DNAJB9: variants seen among roughly 807,000 people sequenced by gnomAD.
DNAJB9 encodes the protein DnaJ heat shock protein family (Hsp40) member B9, also known as dnaJ homolog subfamily B member 9.
DNAJB9 carries 12 observed loss-of-function variants against 19.2 expected under a neutral mutation model. The observed-to-expected ratio is 0.62, with a 90% confidence interval of 0.40 to 1.01. The LOEUF (loss-of-function observed/expected upper bound fraction) is 1.01, where lower values mean the gene tolerates loss of function less well. DNAJB9 is among the 50% of genes least tolerant of loss of function. DNAJB9 has a pLI of 0.00. For missense variants in DNAJB9, 272 were observed against 261.1 expected, an observed-to-expected ratio of 1.04 and a Z score of -0.29; for synonymous variants, 83 against 84.0, an observed-to-expected ratio of 0.99 and a Z score of 0.07.
chr7:108,571,704 T>C lies in DNAJB9; in HGVS notation c.-10-13T>C, dbSNP rs1361052013. The C allele has an allele frequency of 6.3e-7, 1 of 1,587,218 alleles. No individual in the cohort carries two copies. Among genetic ancestry groups the C allele is most frequent in the Non-Finnish European group, 8.6e-7 (1 of 1,167,386 alleles). On this transcript the variant is annotated splice_polypyrimidine_tract_variant and intron_variant, in intron 1 of 2. Transcript: ENST00000249356. ...GCTCCATCCATAACATTTTTTTTTC[T>C]TTTCTGTTTTAGGATATTAGAAATG...
chr7:108,572,084 G>T, intron 2 of DNAJB9, 141 bp downstream of exon 2: 1 of 696,530 alleles, frequency 1.4e-6, no homozygotes, highest in South Asian at 2.1e-5. Flanking sequence ...GATTCTCTGA[G>T]ATTATTTTCT....
intron 2 of DNAJB9, 136 bp from the exon 3 acceptor site, chr7:108,572,763 G>A: frequency 3.0e-6 from 2 of 661,408 alleles, no homozygotes; most frequent in East Asian, 2.8e-5. Context: ...TATATTTGTA[G>A]TGTTTTGCTT....
At position 108,572,929 on chromosome 7, in the gene DNAJB9, G is replaced by T. The variant is rs1240323337; in HGVS notation, c.248G>T (p.Arg83Leu). 6.2e-7 allele frequency: 1 copy of T among 1,610,246 alleles called. No homozygotes were observed. Among genetic ancestry groups the T allele is most frequent in the African/African-American group, 1.3e-5 (1 of 74,898 alleles). ...GAAACACTCTCAGATGCTAATAGAC[G>T]AAAAGAGTATGATACACTTGGACAC... is the stretch of plus-strand genomic sequence containing the variant. The part of the protein sequence containing the change: ...AYETLSDANR[R>L]KEYDTLGHSA... The change falls in exon 3 of 3, where the codon CGA becomes CTA. Residue 83 changes from arginine (R) to leucine (L), a missense_variant. Physicochemically the swap from Arg to Leu is moderately radical, Grantham distance 102. Transcript: ENST00000249356.
At position 108,573,468 on chromosome 7, in the gene DNAJB9, G is replaced by C. The variant is rs1790652680; in HGVS notation, c.*115G>C. ...TGCATGATTTCACTTTAAACAATTT[G>C]ATATAGCTATTAAATATATTTAAGG... is the stretch of plus-strand genomic sequence containing the variant. On this transcript the variant is annotated 3_prime_UTR_variant, in exon 3 of 3. Coordinates refer to ENST00000249356, the MANE Select transcript of DNAJB9 (RefSeq NM_012328.3). 1 of 682,612 alleles carries C rather than the reference G, an allele frequency of 1.5e-6. No homozygotes were observed. Among genetic ancestry groups the C allele is most frequent in the Admixed American group, 3.7e-5 (1 of 27,312 alleles). The allele number at this position is 682,612 out of a possible 1,614,324, so 42.3% of individuals were successfully genotyped here. A position where few individuals can be genotyped will look rare whatever the true frequency, so the allele number is the denominator to read the frequency against.
chr7:108,569,928 A>C lies in DNAJB9; in HGVS notation c.-186A>C. 1 of 370,312 alleles carries C rather than the reference A, an allele frequency of 2.7e-6. No individual in the cohort carries two copies. The highest frequency in any genetic ancestry group is 3.9e-5 in the Admixed American group (1 of 25,690). The allele number at this position is 370,312 out of a possible 1,614,324, so 22.9% of individuals were successfully genotyped here. A position where few individuals can be genotyped will look rare whatever the true frequency, so the allele number is the denominator to read the frequency against. On this transcript the variant is annotated 5_prime_UTR_variant, in exon 1 of 3. Coordinates refer to ENST00000249356, the MANE Select transcript of DNAJB9 (RefSeq NM_012328.3). ...CCTGTGAGGAGCTGGCTGAGAGGGG[A>C]CTGGGCGCCGGCGGGGAAGGAGGAG... is the stretch of plus-strand genomic sequence containing the variant.
intron 2 of DNAJB9, 41 bp downstream of exon 2, chr7:108,571,984 T>C (rs765283645): frequency 2.3e-5 from 36 of 1,585,170 alleles, no homozygotes; most frequent in Non-Finnish European, 3.1e-5. Flanking sequence ...GGGTATTAAC[T>C]AGTAAGGAGA....
In DNAJB9 at chr7:108,569,946, A is replaced by G. The variant is rs550082947; in HGVS notation, c.-168A>G. 2.9e-6 allele frequency: 1 copy of G among 344,722 alleles called. No homozygotes were observed. Among genetic ancestry groups the G allele is most frequent in the South Asian group, 3.1e-5 (1 of 32,384 alleles). 21.4% of individuals were successfully genotyped at this position (344,722 alleles called of 1,614,324 possible). A position where few individuals can be genotyped will look rare whatever the true frequency, so the allele number is the denominator to read the frequency against. On this transcript the variant is annotated 5_prime_UTR_variant, in exon 1 of 3. Transcript: ENST00000249356. ...AGAGGGGACTGGGCGCCGGCGGGGA[A>G]GGAGGAGCGCTAGGTCGGTGTACGA...
chr7:108,572,470 G>A (rs368133955), intron 2 of DNAJB9, among the ~76,000 whole-genome samples: 18 of 152,292 alleles, frequency 1.2e-4, no homozygotes, highest in African/African-American at 4.3e-4. Context: ...TAACTGAGTA[G>A]GGAGTTAGAA....
chr7:108,571,631 G>A, intron 1 of DNAJB9, 86 bp from the exon 2 acceptor site: 3 of 1,096,882 alleles, frequency 2.7e-6, no homozygotes, highest in Non-Finnish European at 2.6e-6. Context: ...ACTGCATTAG[G>A]TTTACCTTGT....
chr7:108,571,751 A>G lies in DNAJB9; in HGVS notation c.25A>G (p.Ile9Val). 6 of 1,613,942 alleles carry G rather than the reference A, an allele frequency of 3.7e-6. No homozygotes were observed. The highest frequency in any genetic ancestry group is 2.2e-5 in the South Asian group (2 of 91,044). MATPQSIF[I>V]FAICILMITE... ...AATGGCTACTCCCCAGTCAATTTTCATCTTTGCAATCTGCATTTTAATGAT... is the reference window on the plus strand; with the variant it reads ...AATGGCTACTCCCCAGTCAATTTTCGTCTTTGCAATCTGCATTTTAATGAT... The change falls in exon 2 of 3, where the codon ATC becomes GTC. Residue 9 changes from isoleucine (I) to valine (V), a missense_variant. Coordinates refer to ENST00000249356, the MANE Select transcript of DNAJB9 (RefSeq NM_012328.3).
rs1584294299 is a variant in DNAJB9 at position 108,573,515 on chromosome 7, C to G, written c.*162C>G. On this transcript the variant is annotated 3_prime_UTR_variant, in exon 3 of 3. Coordinates refer to ENST00000249356, the MANE Select transcript of DNAJB9 (RefSeq NM_012328.3). ...AAGGGTTTTTTTTTTTTGACAAATTCAACATTCAACGAGTAGACAAAATGC... is the reference window on the plus strand; with the variant it reads ...AAGGGTTTTTTTTTTTTGACAAATTGAACATTCAACGAGTAGACAAAATGC... 4.5e-6 allele frequency: 2 copies of G among 446,076 alleles called. No homozygotes were observed. Among genetic ancestry groups the G allele is most frequent in the Admixed American group, 8.1e-5 (2 of 24,634 alleles). 27.6% of individuals were successfully genotyped at this position (446,076 alleles called of 1,614,324 possible). A position where few individuals can be genotyped will look rare whatever the true frequency, so the allele number is the denominator to read the frequency against.
rs1291280788 is a variant in DNAJB9, at chr7:108,574,212, T to A, written c.*859T>A. ...TTGTAAAACCAGCCAGTAATTTCTG[T>A]GCAACCTTACTATGTGCAATATTTT... On this transcript the variant is annotated 3_prime_UTR_variant, in exon 3 of 3. Transcript: ENST00000249356. 1 of 152,654 alleles carries A rather than the reference T, an allele frequency of 6.6e-6. No homozygotes were observed. Among genetic ancestry groups the A allele is most frequent in the African/African-American group, 2.4e-5 (1 of 41,458 alleles). 9.5% of individuals were successfully genotyped at this position (152,654 alleles called of 1,614,324 possible).
In DNAJB9 at chr7:108,573,185, C is replaced by T. The variant is rs756687064; in HGVS notation, c.504C>T (p.Asp168=). ...CTTTTGGAGGTGGATTATTTGATGA[C>T]ATGTTTGAAGATATGGAGAAAATGT... ...EFSFGGGLFD[D]MFEDMEKMFS... Residue 168 remains aspartate (D), a synonymous_variant, in exon 3 of 3, where the codon GAC becomes GAT. Transcript: ENST00000249356. 3.3e-5 allele frequency: 53 copies of T among 1,613,880 alleles called. No homozygotes were observed. Among genetic ancestry groups the T allele is most frequent in the Non-Finnish European group, 3.7e-5 (44 of 1,179,928 alleles).
chr7:108,571,749 T>G lies in DNAJB9; in HGVS notation c.23T>G (p.Phe8Cys). MATPQSIFIFAICILMIT... is the reference protein window; with the variant it reads MATPQSICIFAICILMIT... ...GAAATGGCTACTCCCCAGTCAATTT[T>G]CATCTTTGCAATCTGCATTTTAATG... The change falls in exon 2 of 3, where the codon TTC becomes TGC. Residue 8 changes from phenylalanine to cysteine, a missense_variant. Phe to Cys is a radical substitution (Grantham distance 205, BLOSUM62 -2). Transcript: ENST00000249356. 1 of 1,614,102 alleles carries G rather than the reference T, an allele frequency of 6.2e-7. No individual in the cohort carries two copies. Among genetic ancestry groups the G allele is most frequent in the Non-Finnish European group, 8.5e-7 (1 of 1,179,966 alleles).
chr7:108,571,814 A>T lies in DNAJB9; in HGVS notation c.88A>T (p.Ile30Phe), dbSNP rs1790625675. Reference protein sequence around the residue: ...LILASKSYYDILGVPKSASER... With the variant: ...LILASKSYYDFLGVPKSASER... ...TCTGGCCTCAAAAAGCTACTATGATATCTTAGGTGTGCCAAAATCGGCATC... is the reference window on the plus strand; with the variant it reads ...TCTGGCCTCAAAAAGCTACTATGATTTCTTAGGTGTGCCAAAATCGGCATC... Residue 30 changes from isoleucine (I) to phenylalanine (F), a missense_variant, in exon 2 of 3, where the codon ATC becomes TTC. Coordinates refer to ENST00000249356, the MANE Select transcript of DNAJB9 (RefSeq NM_012328.3). 6.2e-7 allele frequency: 1 copy of T among 1,614,084 alleles called. No homozygotes were observed. Among genetic ancestry groups the T allele is most frequent in the Admixed American group, 1.7e-5 (1 of 60,008 alleles).
At position 108,573,546 on chromosome 7, in the gene DNAJB9, A is replaced by G; in HGVS notation, c.*193A>G. On this transcript the variant is annotated 3_prime_UTR_variant, in exon 3 of 3. Coordinates refer to ENST00000249356, the MANE Select transcript of DNAJB9 (RefSeq NM_012328.3). ...TCAACGAGTAGACAAAATGCTAATTATTTCCCTGATTAGGAAAGTTTCTTT... is the reference window on the plus strand; with the variant it reads ...TCAACGAGTAGACAAAATGCTAATTGTTTCCCTGATTAGGAAAGTTTCTTT... The G allele has an allele frequency of 2.4e-6, 1 of 409,952 alleles. No individual in the cohort carries two copies. Among genetic ancestry groups the G allele is most frequent in the African/African-American group, 2.1e-5 (1 of 48,414 alleles). The allele number at this position is 409,952 out of a possible 1,614,324, so 25.4% of individuals were successfully genotyped here. A position where few individuals can be genotyped will look rare whatever the true frequency, so the allele number is the denominator to read the frequency against.
In DNAJB9 at chr7:108,571,847, C is replaced by T; in HGVS notation, c.121C>T (p.Gln41Ter). 6.2e-7 allele frequency: 1 copy of T among 1,614,074 alleles called. No homozygotes were observed. The highest frequency in any genetic ancestry group is 1.1e-5 in the South Asian group (1 of 91,078). ...TGTGCCAAAATCGGCATCAGAGCGC[C>T]AAATCAAGAAGGCCTTTCACAAGTT... is the stretch of plus-strand genomic sequence containing the variant. ...LGVPKSASER[Q>*]IKKAFHKLAM... The change falls in exon 2 of 3, where the codon CAA becomes TAA. Residue 41 changes from glutamine (Q) to a stop codon, truncating the protein, a stop_gained. Coordinates refer to ENST00000249356, the MANE Select transcript of DNAJB9 (RefSeq NM_012328.3). LOFTEE classifies it high-confidence loss of function.
At position 108,573,766 on chromosome 7, in the gene DNAJB9, T is replaced by G. The variant is rs1790658465; in HGVS notation, c.*413T>G. ...ATTCAAAGTTGCATGTTCTATGACA[T>G]CTGTGACTTGCGTTGCAGAGTGTAC... On this transcript the variant is annotated 3_prime_UTR_variant, in exon 3 of 3. Transcript: ENST00000249356. 1 of 156,454 alleles carries G rather than the reference T, an allele frequency of 6.4e-6. No individual in the cohort carries two copies. The highest frequency in any genetic ancestry group is 6.4e-5 in the Admixed American group (1 of 15,746). 9.7% of individuals were successfully genotyped at this position (156,454 alleles called of 1,614,324 possible).
Position 108,574,597 on chromosome 7 carries a change from G to A in DNAJB9, c.*1244G>A, listed in dbSNP as rs1790674024. 1 of 152,086 alleles carries A rather than the reference G, an allele frequency of 6.6e-6. No individual in the cohort carries two copies. Among genetic ancestry groups the A allele is most frequent in the Non-Finnish European group, 1.5e-5 (1 of 67,990 alleles). The allele number at this position is 152,086 out of a possible 1,614,324, so 9.4% of individuals were successfully genotyped here. On this transcript the variant is annotated 3_prime_UTR_variant, in exon 3 of 3. Coordinates refer to ENST00000249356, the MANE Select transcript of DNAJB9 (RefSeq NM_012328.3). ...TTACCATCCTTCTCTCACAAATTTTGATAGCTTGAAGATCTTTTTAATTAT... is the reference window on the plus strand; with the variant it reads ...TTACCATCCTTCTCTCACAAATTTTAATAGCTTGAAGATCTTTTTAATTAT...
Sources: allele counts gnomAD v4.1 joint callset (sites outside exome capture counted in the v4.1 genomes callset), GRCh38; gene constraint gnomAD v4.1.1; transcripts MANE v1.5; gene names NCBI Gene and HGNC (gene_info 2026-07-23, HGNC 2026-07-21).